Variants in RTN4RL1 observed in about 807,000 individuals in gnomAD.
The protein encoded by RTN4RL1 is reticulon-4 receptor-like 1.
Under a neutral mutation model 25.6 loss-of-function variants are expected in RTN4RL1, and 7 were observed. The ratio of observed to expected loss-of-function variants is 0.27; its 90% CI spans 0.16 to 0.51. The LOEUF (loss-of-function observed/expected upper bound fraction) is 0.51, where lower values mean the gene tolerates loss of function less well. RTN4RL1 is among the 20% of genes least tolerant of loss of function. The probability of loss-of-function intolerance (pLI) is 0.97; values close to 1 mark genes in which losing one functional copy is unlikely to be tolerated. For missense variants in RTN4RL1, 500 were observed against 615.6 expected, an observed-to-expected ratio of 0.81 and a Z score of 1.99; for synonymous variants, 297 against 288.2, an observed-to-expected ratio of 1.03 and a Z score of -0.31.
chr17:1,961,773 CAAAAAAAA>C (rs1163170575), intron 1 of RTN4RL1, among the ~76,000 whole-genome samples: 9,073 of 55,920 alleles, frequency 0.16, 621 homozygotes, highest in Admixed American at 0.29. Context: ...ACTAAAAATA[CAAAAAAAA>C]AAAAAAAAAA....
At chr17:1,952,842 T>C (rs1915712075) in intron 1 of RTN4RL1, among the ~76,000 whole-genome samples, 1 of 149,608 alleles carries the variant, frequency 6.7e-6, no homozygotes, top group South Asian at 2.2e-4. Context: ...TTTGGGAGGC[T>C]GAGGGGGGTT....
intron 1 of RTN4RL1, among the ~76,000 whole-genome samples, chr17:1,964,748 T>A (rs575239519): frequency 0.025 from 3,733 of 151,024 alleles, 75 homozygotes; most frequent in Middle Eastern, 0.066. Context: ...AAAATTTTTT[T>A]AATTAATTTC....
At chr17:1,983,128 G>A (rs1449909834) in intron 1 of RTN4RL1, among the ~76,000 whole-genome samples, 2 of 151,154 alleles carry the variant, frequency 1.3e-5, no homozygotes, top group African/African-American at 4.9e-5. Flanking sequence ...TCGGCTCACT[G>A]CAACCTCCAC....
chr17:1,971,598 G>C (rs962419502), intron 1 of RTN4RL1, among the ~76,000 whole-genome samples: 20 of 152,092 alleles, frequency 1.3e-4, no homozygotes, highest in African/African-American at 4.8e-4. Flanking sequence ...GGGAGGCTGA[G>C]GTGGGAGGGT....
intron 1 of RTN4RL1, among the ~76,000 whole-genome samples, chr17:1,985,204 C>T (rs2066882804): frequency 6.6e-6 from 1 of 152,218 alleles, no homozygotes; most frequent in Admixed American, 6.5e-5. Flanking sequence ...GCCTGCTGGA[C>T]TCCACAAGCC....
chr17:1,941,074 C>T (rs1321118277), intron 1 of RTN4RL1, among the ~76,000 whole-genome samples: 1 of 152,236 alleles, frequency 6.6e-6, no homozygotes, highest in Non-Finnish European at 1.5e-5. Context: ...TCTGCTCACA[C>T]TCCCCTGAGC....
intron 1 of RTN4RL1, among the ~76,000 whole-genome samples, chr17:2,022,160 C>CA (rs752772036): frequency 1.2e-3 from 176 of 151,596 alleles, no homozygotes; most frequent in Non-Finnish European, 1.9e-3. Flanking sequence ...ACTAAAAATA[C>CA]AAAAAATGAG....
intron 1 of RTN4RL1, among the ~76,000 whole-genome samples, chr17:1,974,850 A>G (rs897412239): frequency 1.3e-5 from 2 of 152,218 alleles, no homozygotes; most frequent in African/African-American, 2.4e-5. Context: ...TGGTGTCATC[A>G]GCATAGGCCA....
rs376728844 is a variant in RTN4RL1, at chr17:1,936,734, T to C, written c.1088A>G (p.Asn363Ser). 13 of 1,594,582 alleles carry C rather than the reference T, an allele frequency of 8.2e-6. No homozygotes were observed. In the African/African-American group the frequency reaches 1.6e-4, roughly 20 times the overall value. Residue 363 changes from asparagine (N) to serine (S), a missense_variant, in exon 2 of 2, where the codon AAT (asparagine) becomes AGT (serine). Coordinates refer to ENST00000331238, the MANE Select transcript of RTN4RL1 (RefSeq NM_178568.4). ...GKNCTNPRNR[N>S]QISKAGAGKQ... Reference sequence around the variant, plus strand: ...CCCGGCGCCCGCCTTAGAGATCTGATTGCGGTTCCTGGGGTTGGTGCAGTT... The same window carrying C: ...CCCGGCGCCCGCCTTAGAGATCTGACTGCGGTTCCTGGGGTTGGTGCAGTT...
chr17:1,972,984 G>A (rs1473737958), intron 1 of RTN4RL1, among the ~76,000 whole-genome samples: 1 of 152,206 alleles, frequency 6.6e-6, no homozygotes, highest in East Asian at 1.9e-4. Context: ...GGGGATATCA[G>A]GTGTCATCTG....
chr17:2,015,072 G>A (rs940038443), intron 1 of RTN4RL1, among the ~76,000 whole-genome samples: 1 of 152,178 alleles, frequency 6.6e-6, no homozygotes, highest in African/African-American at 2.4e-5. Flanking sequence ...TTTCAGCAAA[G>A]GCAAGACAGG....
chr17:1,972,136 C>CA, intron 1 of RTN4RL1, among the ~76,000 whole-genome samples: 1 of 148,664 alleles, frequency 6.7e-6, no homozygotes, highest in Non-Finnish European at 1.5e-5. Flanking sequence ...GATGCTGTCT[C>CA]AAAAAATAAA....
intron 1 of RTN4RL1, among the ~76,000 whole-genome samples, chr17:1,963,849 A>G (rs952965531): frequency 1.3e-5 from 2 of 152,022 alleles, no homozygotes; most frequent in Admixed American, 6.6e-5. Context: ...CTCCTGCCTC[A>G]GGCTCCCGAG....
chr17:1,945,533 T>C (rs1376121307), intron 1 of RTN4RL1, among the ~76,000 whole-genome samples: 2 of 152,060 alleles, frequency 1.3e-5, no homozygotes, highest in Non-Finnish European at 2.9e-5. Flanking sequence ...TTTTAAAAAA[T>C]AGAGATGGGG....
intron 1 of RTN4RL1, among the ~76,000 whole-genome samples, chr17:1,945,059 C>T (rs1915509749): frequency 6.6e-6 from 1 of 152,172 alleles, no homozygotes; most frequent in African/African-American, 2.4e-5. Flanking sequence ...CTATTCACGC[C>T]AGGGATGCTC....
intron 1 of RTN4RL1, among the ~76,000 whole-genome samples, chr17:1,948,282 T>C (rs1367208296): frequency 6.6e-6 from 1 of 152,222 alleles, no homozygotes; most frequent in Non-Finnish European, 1.5e-5. Context: ...GTGGCCTCTA[T>C]TTCCACCTCC....
chr17:2,017,710 C>G (rs1027639974), intron 1 of RTN4RL1: 4 of 81,488 alleles, frequency 4.9e-5, no homozygotes, highest in African/African-American at 1.5e-4. Context: ...CACACACGCA[C>G]ACACACTATG....
rs373021753 is a variant in RTN4RL1, at chr17:1,937,042, A to G, written c.780T>C (p.Gly260=). Residue 260 remains glycine, a synonymous_variant, in exon 2 of 2, where the codon GGT becomes GGC. Transcript: ENST00000331238. ...LRLNGNPWDC[G]CRARSLWEWL... ...ATTCCCACAGGGAGCGCGCGCGACA[A>G]CCACAGTCCCAGGGGTTGCCGTTGA... is the stretch of plus-strand genomic sequence containing the variant. The G allele has an allele frequency of 1.9e-6, 3 of 1,605,026 alleles. No individual in the cohort carries two copies. The highest frequency in any genetic ancestry group is 2.7e-5 in the African/African-American group (2 of 74,802).
chr17:1,966,380 G>A (rs2066791453), intron 1 of RTN4RL1, among the ~76,000 whole-genome samples: 2 of 152,168 alleles, frequency 1.3e-5, no homozygotes, highest in South Asian at 4.1e-4. Flanking sequence ...TCAGCCTAAG[G>A]CTACAGCTGG....
Sources: allele counts gnomAD v4.1 joint callset (sites outside exome capture counted in the v4.1 genomes callset), GRCh38; gene constraint gnomAD v4.1.1; transcripts MANE v1.5; gene names NCBI Gene and HGNC (gene_info 2026-07-23, HGNC 2026-07-21).